ACTA2: variants seen among roughly 807,000 people sequenced by gnomAD.
ACTA2 encodes actin alpha 2, smooth muscle, also known as actin, aortic smooth muscle.
A neutral mutation model predicts 39.5 loss-of-function variants in ACTA2; 12 were observed. The observed-to-expected ratio is 0.30, with a 90% CI of 0.19 to 0.49. The LOEUF (loss-of-function observed/expected upper bound fraction) is 0.49, where lower values mean the gene tolerates loss of function less well. ACTA2 is among the 20% of genes least tolerant of loss of function. The probability of loss-of-function intolerance (pLI) is 0.99; values close to 1 mark genes in which losing one functional copy is unlikely to be tolerated. For synonymous variants in ACTA2, 158 were observed against 180.6 expected (o/e 0.88, Z 1.00); for missense variants, 236 against 498.8 (o/e 0.47, Z 5.02).
intron 6 of ACTA2, 150 bp from the exon 7 acceptor site, chr10:88,939,848 A>C: frequency 1.2e-6 from 1 of 812,096 alleles, no homozygotes; most frequent in Non-Finnish European, 2.0e-6. Context: ...CACAATGATA[A>C]TGACGTAGTA....
rs138780566 is a variant in ACTA2 at position 88,937,739 on chromosome 10, A to AT, written c.990+321dup. 5.8e-3 allele frequency among the ~76,000 whole-genome samples: 883 copies of AT among 152,350 alleles called. 3 individuals are homozygous for AT. Among genetic ancestry groups the AT allele is most frequent in the African/African-American group, 0.02 (832 of 41,568 alleles). On this transcript the variant is annotated intron_variant, in intron 8 of 8. Coordinates refer to ENST00000224784, the MANE Select transcript of ACTA2 (RefSeq NM_001613.4). ...AAATGTGTTACATGCATGATGCACT[A>AT]TTTTTGTGTCGAGAAAAACAACAAA...
intron 1 of ACTA2, among the ~76,000 whole-genome samples, chr10:88,971,612 T>C (rs1589416570): frequency 6.6e-6 from 1 of 152,236 alleles, no homozygotes; most frequent in Non-Finnish European, 1.5e-5. Flanking sequence ...ATAAAAGTCA[T>C]AATGCCAACC....
In ACTA2 at chr10:88,948,731, T is replaced by C; in HGVS notation, c.129+71A>G. Reference sequence around the variant, plus strand: ...CTTCTGGGCAGAAAGAGATAGACAATCTGGGGATAAACATGAACACAGAGG... The same window carrying C: ...CTTCTGGGCAGAAAGAGATAGACAACCTGGGGATAAACATGAACACAGAGG... On this transcript the variant is annotated intron_variant, in intron 2 of 8. Transcript: ENST00000224784. The C allele has an allele frequency of 2.5e-6, 4 of 1,601,844 alleles. No individual in the cohort carries two copies. The South Asian group carries it at 3.3e-5, about 13-fold the overall frequency.
chr10:88,954,641 A>G (rs1240990138), upstream of ACTA2, among the ~76,000 whole-genome samples: 1 of 152,162 alleles, frequency 6.6e-6, no homozygotes, highest in Non-Finnish European at 1.5e-5. Context: ...TGATTCTTAC[A>G]TCATTTCTAC....
At chr10:88,955,638 G>A (rs1383217393), upstream of ACTA2, among the ~76,000 whole-genome samples, 1 of 152,136 alleles carries the variant, frequency 6.6e-6, no homozygotes, top group Non-Finnish European at 1.5e-5. Context: ...TTCTATGAAG[G>A]TCTAAAGGCT....
chr10:88,941,169 C>T (rs1845840426), intron 6 of ACTA2, 60 bp downstream of exon 6: 4 of 1,606,358 alleles, frequency 2.5e-6, no homozygotes, highest in African/African-American at 1.3e-5. Context: ...TGAGGATGGT[C>T]CTGGAAGTTA....
chr10:88,970,349 C>T (rs1209870257), intron 1 of ACTA2, among the ~76,000 whole-genome samples: 1 of 152,148 alleles, frequency 6.6e-6, no homozygotes. Context: ...CTGTCCTCTT[C>T]GCTGAGTTCC....
chr10:88,964,742 A>G (rs1846291242), intron 1 of ACTA2, among the ~76,000 whole-genome samples: 1 of 152,158 alleles, frequency 6.6e-6, no homozygotes. Flanking sequence ...ACCCTTCAGC[A>G]AAAAGTATCT....
chr10:88,975,370 G>T (rs1280782990), intron 1 of ACTA2, among the ~76,000 whole-genome samples: 3 of 152,152 alleles, frequency 2.0e-5, no homozygotes, highest in African/African-American at 7.2e-5. Flanking sequence ...AGTTGAGAAG[G>T]ACAATAGTAC....
rs555147634 is a variant in ACTA2 at position 88,991,115 on chromosome 10, G to A, written c.-200C>T. ...AGGCCCGGGTGCTCAGAACGCTGGA[G>A]GACTTGCTTTTCTTGGGCCTTGATG... On this transcript the variant is annotated 5_prime_UTR_variant, in exon 1 of 5. Coordinates refer to the ACTA2 transcript ENST00000415557. 2.8e-5 allele frequency: 18 copies of A among 645,248 alleles called. No homozygotes were observed. The South Asian group carries it at 3.1e-4, about 11-fold the overall frequency. The allele number at this position is 645,248 out of a possible 1,614,324, so 40.0% of individuals were successfully genotyped here. A position where few individuals can be genotyped will look rare whatever the true frequency, so the allele number is the denominator to read the frequency against.
intron 1 of ACTA2, among the ~76,000 whole-genome samples, chr10:88,971,019 A>C (rs1846433405): frequency 6.6e-6 from 1 of 152,220 alleles, no homozygotes; most frequent in African/African-American, 2.4e-5. Flanking sequence ...AATAATACTA[A>C]GATGTAAAGG....
At chr10:88,936,068 T>C (rs1412534935) in intron 8 of ACTA2, among the ~76,000 whole-genome samples, 1 of 152,256 alleles carries the variant, frequency 6.6e-6, no homozygotes, top group African/African-American at 2.4e-5. Flanking sequence ...AAAGTACTGA[T>C]ATTTACTGAG....
At chr10:88,957,866 C>A (rs1029185077) in intron 1 of ACTA2, among the ~76,000 whole-genome samples, 4 of 152,120 alleles carry the variant, frequency 2.6e-5, no homozygotes, top group African/African-American at 9.7e-5. Context: ...CTACCGGGTT[C>A]AAGTGATTCT....
intron 1 of ACTA2, among the ~76,000 whole-genome samples, chr10:88,987,978 T>G (rs1028743940): frequency 6.6e-6 from 1 of 151,148 alleles, no homozygotes; most frequent in African/African-American, 2.4e-5. Context: ...TTCCACTGAG[T>G]GAGTGAGAAT....
At chr10:88,989,780 A>C (rs573015061) in intron 1 of ACTA2, among the ~76,000 whole-genome samples, 1 of 152,346 alleles carries the variant, frequency 6.6e-6, no homozygotes, top group East Asian at 1.9e-4. Context: ...GAGAGGTTGC[A>C]GAGTGAGGTG....
At chr10:88,973,756 A>T (rs1846500425) in intron 1 of ACTA2, 1 of 153,096 alleles carries the variant, frequency 6.5e-6, no homozygotes, top group Admixed American at 6.5e-5. Context: ...CAGGCCAAAT[A>T]TTAACAGGTA....
intron 1 of ACTA2, among the ~76,000 whole-genome samples, chr10:88,950,616 G>T (rs1846031961): frequency 1.3e-5 from 2 of 152,326 alleles, no homozygotes; most frequent in South Asian, 4.1e-4. Context: ...GAAGTGACTT[G>T]TCCAAGAGCC....
intron 8 of ACTA2, among the ~76,000 whole-genome samples, chr10:88,937,753 A>C (rs1433491659): frequency 6.6e-6 from 1 of 152,228 alleles, no homozygotes. Context: ...TTGTGTCGAG[A>C]AAAACAACAA....
Position 88,990,005 on chromosome 10 carries a change from T to A in ACTA2, c.-24+934A>T, listed in dbSNP as rs79790374. Among the ~76,000 whole-genome samples the A allele has an allele frequency of 6.6e-6, 1 of 152,328 alleles. No homozygotes were observed. The highest frequency in any genetic ancestry group is 2.1e-4 in the South Asian group (1 of 4,832). ...ACGAAAGAATTACAAGATTTTTTTT[T>A]AAAGAAAATTGGCCAGGAAATAATG... On this transcript the variant is annotated intron_variant, in intron 1 of 4. Transcript: ENST00000415557. The surrounding 1 kb of genome is among the most constrained non-coding windows in gnomAD (Gnocchi z 4.9).
Sources: gnomAD v4.1 joint callset for allele counts (sites outside exome capture counted in the v4.1 genomes callset) on GRCh38, gnomAD v4.1.1 for gene constraint, Gnocchi (gnomAD v3.1) non-coding constraint, MANE v1.5 for transcripts, NCBI Gene and HGNC (gene_info 2026-07-23, HGNC 2026-07-21) for gene names.